ZFYVE1: variants seen among roughly 807,000 people sequenced by gnomAD.
ZFYVE1 encodes zinc finger FYVE-type containing 1, also known as zinc finger FYVE domain-containing protein 1.
Under a neutral mutation model 74.4 loss-of-function variants are expected in ZFYVE1, and 30 were observed. The observed-to-expected ratio is 0.40, with a 90% CI of 0.30 to 0.55. The LOEUF is 0.55. ZFYVE1 is among the 20% of genes least tolerant of loss of function. The probability of loss-of-function intolerance (pLI) is 0.42; values close to 1 mark genes in which losing one functional copy is unlikely to be tolerated. For missense variants in ZFYVE1, 703 were observed against 1,011.6 expected, an observed-to-expected ratio of 0.69 and a Z score of 4.14; for synonymous variants, 335 against 385.1, an observed-to-expected ratio of 0.87 and a Z score of 1.52.
chr14:72,973,229 C>A (rs760097120), intron 11 of ZFYVE1, among the ~76,000 whole-genome samples: 10 of 151,622 alleles, frequency 6.6e-5, no homozygotes, highest in Non-Finnish European at 1.5e-4. Flanking sequence ...TGGCTCACGC[C>A]TGTAATCCCA....
intron 2 of ZFYVE1, among the ~76,000 whole-genome samples, chr14:73,014,249 T>C (rs1797092181): frequency 6.6e-6 from 1 of 152,188 alleles, no homozygotes; most frequent in South Asian, 2.1e-4. Context: ...CCAAGTTAAA[T>C]GCCAGGAGTC....
intron 2 of ZFYVE1, among the ~76,000 whole-genome samples, chr14:73,000,644 T>G (rs115326139): frequency 0.042 from 6,293 of 150,144 alleles, 223 homozygotes; most frequent in East Asian, 0.19. Context: ...TTGGCAAGGA[T>G]GTACAGAATC....
intron 11 of ZFYVE1, among the ~76,000 whole-genome samples, chr14:72,973,180 C>A (rs1893079405): frequency 6.6e-6 from 1 of 151,992 alleles, no homozygotes; most frequent in Admixed American, 6.6e-5. Context: ...TGTCTGCAGT[C>A]CTAGGCCTCA....
At position 72,975,816 on chromosome 14, in the gene ZFYVE1, C is replaced by A; in HGVS notation, c.1636-95G>T. 7.0e-7 allele frequency: 1 copy of A among 1,428,994 alleles called. No individual in the cohort carries two copies. Among genetic ancestry groups the A allele is most frequent in the Non-Finnish European group, 9.6e-7 (1 of 1,045,720 alleles). The allele number at this position is 1,428,994 out of a possible 1,614,324, so 88.5% of individuals were successfully genotyped here. The stretch of plus-strand genomic sequence containing the variant: ...TGGTGAGTTGCACACTCACCGTGGC[C>A]AACTCAGAACCACTAACTCCCTGGC... On this transcript the variant is annotated intron_variant, in intron 8 of 11. Transcript: ENST00000556143. The surrounding 1 kb of genome is among the most constrained non-coding windows in gnomAD (Gnocchi z 4.1).
chr14:72,979,188 G>A, intron 5 of ZFYVE1: 1 of 494,164 alleles, frequency 2.0e-6, no homozygotes, highest in Non-Finnish European at 3.7e-6. Flanking sequence ...TACTATCCTT[G>A]TATGAGGACA....
chr14:72,973,230 T>TGTAA (rs1463808332), intron 11 of ZFYVE1, among the ~76,000 whole-genome samples: 1 of 151,322 alleles, frequency 6.6e-6, no homozygotes, highest in Non-Finnish European at 1.5e-5. Context: ...GGCTCACGCC[T>TGTAA]GTAATCCCAG....
intron 2 of ZFYVE1, among the ~76,000 whole-genome samples, chr14:73,003,054 C>CTTTTTTTTTTTTTTT (rs201185010): frequency 5.8e-5 from 6 of 102,950 alleles, no homozygotes; most frequent in Admixed American, 1.3e-4. Flanking sequence ...TTTTTCTTTT[C>CTTTTTTTTTTTTTTT]TTTTTTTTTT....
chr14:72,980,372 A>G (rs989142351), intron 5 of ZFYVE1, among the ~76,000 whole-genome samples: 1 of 152,122 alleles, frequency 6.6e-6, no homozygotes, highest in Non-Finnish European at 1.5e-5. Flanking sequence ...GATTGTCTAC[A>G]GGACATGGAG....
In ZFYVE1 at chr14:72,988,267, G is replaced by A. The variant is rs373645328; in HGVS notation, c.1203+4876C>T. On this transcript the variant is annotated intron_variant, in intron 4 of 11. Coordinates refer to ENST00000556143, the MANE Select transcript of ZFYVE1 (RefSeq NM_021260.4). ...TGAGCTCACTGCAACCTCCGTCTCCGGGGTTCAAGGGATTCTCCTGATTCA... is the reference window on the plus strand; with the variant it reads ...TGAGCTCACTGCAACCTCCGTCTCCAGGGTTCAAGGGATTCTCCTGATTCA... Among the ~76,000 whole-genome samples, 125 of 150,224 alleles carry A rather than the reference G, an allele frequency of 8.3e-4. 1 individual carries two copies. The South Asian group carries it at 0.025, about 30-fold the overall frequency.
At chr14:72,981,655 G>T in intron 5 of ZFYVE1, 134 bp downstream of exon 5, 1 of 808,224 alleles carries the variant, frequency 1.2e-6, no homozygotes. Flanking sequence ...GTACCATTTT[G>T]GATAATTTAA....
rs1271822394 is a variant in ZFYVE1, at chr14:72,978,874, A to G, written c.1406T>C (p.Val469Ala). Residue 469 changes from valine to alanine, a missense_variant, in exon 6 of 12, where the codon GTG (valine) becomes GCG (alanine). Around this residue, in one of 2 missense-constraint regions of ZFYVE1, gnomAD observed 492 missense variants for 790.0 expected, o/e 0.62. Coordinates refer to ENST00000556143, the MANE Select transcript of ZFYVE1 (RefSeq NM_021260.4). The part of the protein sequence containing the change: ...CRYSHQYDNR[V>A]YTCKACYERG... The stretch of plus-strand genomic sequence containing the variant: ...CGGAGGACTCACCTTGCAGGTATAC[A>G]CTCGGTTGTCATACTGGTGGGAGTA... The G allele has an allele frequency of 3.1e-6, 5 of 1,614,022 alleles. No homozygotes were observed. Among genetic ancestry groups the G allele is most frequent in the Non-Finnish European group, 3.4e-6 (4 of 1,179,930 alleles).
At chr14:73,018,668 G>A (rs1315157049) in intron 2 of ZFYVE1, among the ~76,000 whole-genome samples, 1 of 152,150 alleles carries the variant, frequency 6.6e-6, no homozygotes, top group African/African-American at 2.4e-5. Context: ...GCACGGCTGG[G>A]CGCAGTGGCT....
At chr14:72,995,556 C>T (rs1893724383) in intron 3 of ZFYVE1, among the ~76,000 whole-genome samples, 2 of 152,132 alleles carry the variant, frequency 1.3e-5, no homozygotes, top group African/African-American at 4.8e-5. Flanking sequence ...TTTTCAGGGG[C>T]TGGTTACTTC....
At chr14:72,979,068 G>C (rs1292555580) in intron 5 of ZFYVE1, 99 bp from the exon 6 acceptor site, 2 of 1,003,696 alleles carry the variant, frequency 2.0e-6, no homozygotes, top group Non-Finnish European at 3.2e-6. Flanking sequence ...GCCACGACCA[G>C]ACCTTGATTA....
At chr14:73,001,996 T>C (rs1169699150) in intron 2 of ZFYVE1, among the ~76,000 whole-genome samples, 1 of 152,010 alleles carries the variant, frequency 6.6e-6, no homozygotes, top group African/African-American at 2.4e-5. Context: ...CACTGTTACC[T>C]AATAACATTT....
chr14:72,997,735 G>C (rs892936943), intron 3 of ZFYVE1, 76 bp downstream of exon 3: 1 of 1,497,674 alleles, frequency 6.7e-7, no homozygotes. Flanking sequence ...CTACCAACAA[G>C]TTGCTATTGC....
chr14:73,024,098 C>A lies in ZFYVE1; in HGVS notation c.411G>T (p.Glu137Asp). 6.2e-7 allele frequency: 1 copy of A among 1,614,202 alleles called. No homozygotes were observed. Among genetic ancestry groups the A allele is most frequent in the Non-Finnish European group, 8.5e-7 (1 of 1,180,044 alleles). ...CAGTCATCTTCTTCCTCTTGGTCTC[C>A]TCATCCATCTCTTCTGCCTCCAGTG... The part of the protein sequence containing the change: ...QESLEAEEMD[E>D]ETKRKKMTEK... The change falls in exon 2 of 12, where the codon GAG (glutamate) becomes GAT (aspartate). Residue 137 changes from glutamate (E) to aspartate (D), a missense_variant. Around this residue, in one of 2 missense-constraint regions of ZFYVE1, gnomAD observed 211 missense variants for 221.7 expected, o/e 0.95. Transcript: ENST00000556143.
intron 2 of ZFYVE1, among the ~76,000 whole-genome samples, chr14:73,005,615 A>G (rs8022992): frequency 0.3 from 45,960 of 152,084 alleles, 7,360 homozygotes; most frequent in Middle Eastern, 0.39. Flanking sequence ...ACTACTCAAC[A>G]CCTCAGGGAA....
At chr14:72,983,896 G>T (rs979882781) in intron 4 of ZFYVE1, among the ~76,000 whole-genome samples, 1 of 152,154 alleles carries the variant, frequency 6.6e-6, no homozygotes, top group Non-Finnish European at 1.5e-5. Flanking sequence ...ACCACAATGA[G>T]ATACCATCTC....
Sources: gnomAD v4.1 joint callset for allele counts (sites outside exome capture counted in the v4.1 genomes callset) on GRCh38, gnomAD v4.1.1 for gene constraint, gnomAD v4.1.1 regional missense constraint, Gnocchi (gnomAD v3.1) non-coding constraint, MANE v1.5 for transcripts, NCBI Gene and HGNC (gene_info 2026-07-23, HGNC 2026-07-21) for gene names.